COL4A3: variants seen among roughly 807,000 people sequenced by gnomAD.
COL4A3 encodes the protein collagen type IV alpha 3 chain, also known as collagen alpha-3(IV) chain.
Under a neutral mutation model 217.4 loss-of-function variants are expected in COL4A3, and 135 were observed. That is an observed-to-expected ratio of 0.62 (90% confidence interval 0.54 to 0.72). COL4A3 has a LOEUF of 0.72. COL4A3 is among the 30% of genes least tolerant of loss of function. The pLI, the probability that COL4A3 is intolerant of heterozygous loss-of-function variation, is 0.00. For synonymous variants in COL4A3, 690 were observed against 736.3 expected (o/e 0.94, Z 1.02); for missense variants, 1,868 against 2,119.9 (o/e 0.88, Z 2.33).
chr2:227,210,776 T>C (rs1262591315), intron 1 of COL4A3, among the ~76,000 whole-genome samples: 2 of 152,212 alleles, frequency 1.3e-5, no homozygotes, highest in Non-Finnish European at 2.9e-5. Context: ...TTCAGACTTT[T>C]ATGTTACCTA....
At chr2:227,289,654 C>A (rs535259376) in intron 35 of COL4A3, among the ~76,000 whole-genome samples, 1 of 152,168 alleles carries the variant, frequency 6.6e-6, no homozygotes, top group African/African-American at 2.4e-5. Context: ...CTACAACCAT[C>A]TCAGTAACAA....
chr2:227,212,817 T>C (rs1326684892), intron 1 of COL4A3, among the ~76,000 whole-genome samples: 1 of 152,230 alleles, frequency 6.6e-6, no homozygotes, highest in Non-Finnish European at 1.5e-5. Flanking sequence ...AAAAAGAATA[T>C]TCTTAGCTCT....
chr2:227,294,052 C>T (rs1252662461), intron 38 of COL4A3: 4 of 287,824 alleles, frequency 1.4e-5, no homozygotes, highest in East Asian at 9.5e-5. Context: ...GACTCTTTTT[C>T]GAACCCATTT....
chr2:227,228,287 A>G (rs548750671), intron 1 of COL4A3, among the ~76,000 whole-genome samples: 1 of 152,366 alleles, frequency 6.6e-6, no homozygotes, highest in Admixed American at 6.5e-5. Context: ...GCATGGTGCC[A>G]GGGCACATGG....
At position 227,297,813 on chromosome 2, in the gene COL4A3, T is replaced by C. The variant is rs753866638; in HGVS notation, c.3705T>C (p.Pro1235=). 7 of 1,569,692 alleles carry C rather than the reference T, an allele frequency of 4.5e-6. No homozygotes were observed. The South Asian group carries it at 8.2e-5, about 18-fold the overall frequency. Residue 1235 remains proline (P), a synonymous_variant, in exon 42 of 52, where the codon CCT becomes CCC. Transcript: ENST00000396578. ...CAGGTCTGCCCGGTGCAATTATCCC[T>C]GGCCAGACAGGAAATCGTGGTCCAC... The part of the protein sequence containing the change: ...GPPGLPGAII[P]GQTGNRGPPG...
intron 18 of COL4A3, among the ~76,000 whole-genome samples, chr2:227,257,942 G>A (rs2070295880): frequency 1.3e-5 from 2 of 152,212 alleles, no homozygotes; most frequent in Admixed American, 1.3e-4. Context: ...GTAGAGGACA[G>A]TGAGACAACA....
chr2:227,238,728 CTA>C lies in COL4A3; in HGVS notation c.144+705_144+706del, dbSNP rs1395199049. ...AACATATTTAAGCTCTTTATCTAAA[CTA>C]ATTTCTATATAATGTGTATGCTAAT... On this transcript the variant is annotated intron_variant, in intron 2 of 51. Transcript: ENST00000396578. Among the ~76,000 whole-genome samples, 15 of 129,920 alleles carry C rather than the reference CTA, an allele frequency of 1.2e-4. No individual in the cohort carries two copies. The East Asian group carries it at 2.8e-3, about 24-fold the overall frequency. 85.2% of individuals were successfully genotyped at this position (129,920 alleles called of 152,430 possible).
At chr2:227,294,845 G>C in intron 39 of COL4A3, 119 bp from the exon 40 acceptor site, 1 of 829,726 alleles carries the variant, frequency 1.2e-6, no homozygotes, top group South Asian at 1.4e-5. Flanking sequence ...CTGAAAAACA[G>C]CCTGTTTAAC....
intron 1 of COL4A3, among the ~76,000 whole-genome samples, chr2:227,188,689 G>A (rs72975946): frequency 0.16 from 23,684 of 152,128 alleles, 2,077 homozygotes; most frequent in African/African-American, 0.22. Flanking sequence ...ATATGCAAGC[G>A]GAATATAACT....
At chr2:227,267,190 G>C in intron 23 of COL4A3, 102 bp downstream of exon 23, 1 of 832,844 alleles carries the variant, frequency 1.2e-6, no homozygotes, top group Admixed American at 1.9e-5. Flanking sequence ...ACGTGGTTTA[G>C]ATGAACTTGG....
intron 15 of COL4A3, 132 bp downstream of exon 15, chr2:227,254,847 C>T (rs2070050574): frequency 2.7e-6 from 2 of 730,868 alleles, no homozygotes; most frequent in Middle Eastern, 4.6e-4. Flanking sequence ...ATTTGGGAGG[C>T]AGGATTTACT....
At chr2:227,249,114 G>C (rs2069540791) in intron 9 of COL4A3, among the ~76,000 whole-genome samples, 1 of 146,714 alleles carries the variant, frequency 6.8e-6, no homozygotes, top group Non-Finnish European at 1.5e-5. Context: ...CTTTGGGGCT[G>C]TGTGTGCTTT....
chr2:227,265,890 A>G (rs911302255), intron 21 of COL4A3: 8 of 158,830 alleles, frequency 5.0e-5, no homozygotes, highest in Non-Finnish European at 5.6e-5. Context: ...TGGCAGAAGC[A>G]GAAGCAAACA....
chr2:227,205,256 T>C (rs972667439), intron 1 of COL4A3, among the ~76,000 whole-genome samples: 10 of 152,158 alleles, frequency 6.6e-5, no homozygotes, highest in African/African-American at 2.4e-4. Context: ...TTCAGCTCAT[T>C]TTGGCTACCC....
At chr2:227,171,964 G>C (rs1165103953) in intron 1 of COL4A3, among the ~76,000 whole-genome samples, 3 of 152,188 alleles carry the variant, frequency 2.0e-5, no homozygotes, top group East Asian at 3.9e-4. Context: ...GGGGTGGGCT[G>C]TCCGCATGCG....
At position 227,283,840 on chromosome 2, in the gene COL4A3, C is replaced by CA; in HGVS notation, c.2731dup (p.Thr911AsnfsTer29). On this transcript the variant is annotated frameshift_variant, in exon 33 of 52. Coordinates refer to ENST00000396578, the MANE Select transcript of COL4A3 (RefSeq NM_000091.5). LOFTEE classifies it high-confidence loss of function. ...CTCCAGGGCCCCCTGGGAACCCAGG[C>CA]ACACCAGGGCAGAGGGGTAAGTGAT... is the stretch of plus-strand genomic sequence containing the variant. 1 of 1,613,386 alleles carries CA rather than the reference C, an allele frequency of 6.2e-7. No individual in the cohort carries two copies. The highest frequency in any genetic ancestry group is 2.2e-5 in the East Asian group (1 of 44,884).
In COL4A3 at chr2:227,311,847, G is replaced by A. The variant is rs767360877; in HGVS notation, c.4990G>A (p.Val1664Met). 1 of 1,613,962 alleles carries A rather than the reference G, an allele frequency of 6.2e-7. No homozygotes were observed. Among genetic ancestry groups the A allele is most frequent in the Non-Finnish European group, 8.5e-7 (1 of 1,179,896 alleles). ...AGAAAAAATAATAAGTCGCTGTCAG[G>A]TGTGCATGAAGAAAAGACACTGAAG... Reference protein sequence around the residue: ...ELEKIISRCQVCMKKRH With the variant: ...ELEKIISRCQMCMKKRH The change falls in exon 52 of 52, where the codon GTG becomes ATG. Residue 1664 changes from valine to methionine, a missense_variant. Physicochemically the swap from Val to Met is conservative, Grantham distance 21 (BLOSUM62 1). Coordinates refer to ENST00000396578, the MANE Select transcript of COL4A3 (RefSeq NM_000091.5).
rs1235733877 is a variant in COL4A3 at position 227,280,747 on chromosome 2, G to A, written c.2375-146G>A. 3 of 1,081,540 alleles carry A rather than the reference G, an allele frequency of 2.8e-6. No homozygotes were observed. The African/African-American group carries it at 4.7e-5, about 17-fold the overall frequency. The allele number at this position is 1,081,540 out of a possible 1,614,324, so 67.0% of individuals were successfully genotyped here. Reference sequence around the variant, plus strand: ...CCTTCTTCCTTCCTTCTTTTTTAATGAGTGCCCTCTAGAAAAGGCATATTA... The same window carrying A: ...CCTTCTTCCTTCCTTCTTTTTTAATAAGTGCCCTCTAGAAAAGGCATATTA... On this transcript the variant is annotated intron_variant, in intron 30 of 51. Coordinates refer to ENST00000396578, the MANE Select transcript of COL4A3 (RefSeq NM_000091.5).
rs2066221105 is a variant in COL4A3, at chr2:227,191,061, T to A, written c.87+26248T>A. On this transcript the variant is annotated intron_variant, in intron 1 of 51. Coordinates refer to ENST00000396578, the MANE Select transcript of COL4A3 (RefSeq NM_000091.5). The surrounding 1 kb of genome is among the most constrained non-coding windows in gnomAD (Gnocchi z 6.8). ...AAATAGATGCAAAGGTTATTATATA[T>A]GAAATTTTATGTCTTTTTTCTCTTA... Among the ~76,000 whole-genome samples the A allele has an allele frequency of 6.6e-6, 1 of 152,210 alleles. No individual in the cohort carries two copies. Among genetic ancestry groups the A allele is most frequent in the Non-Finnish European group, 1.5e-5 (1 of 68,032 alleles).
Sources: gnomAD v4.1 joint callset for allele counts (sites outside exome capture counted in the v4.1 genomes callset) on GRCh38, gnomAD v4.1.1 for gene constraint, Gnocchi (gnomAD v3.1) non-coding constraint, MANE v1.5 for transcripts, NCBI Gene and HGNC (gene_info 2026-07-23, HGNC 2026-07-21) for gene names.